The following CAMK1D variants were observed in gnomAD, a reference collection of about 807,000 sequenced individuals.
The protein encoded by CAMK1D is calcium/calmodulin-dependent protein kinase type 1D.
CAMK1D carries 9 observed loss-of-function variants against 47.7 expected under a neutral mutation model. The ratio of observed to expected loss-of-function variants is 0.19; its 90% CI spans 0.11 to 0.33. The LOEUF is 0.33. Ranked by LOEUF, CAMK1D falls within the 10% of genes least tolerant of loss-of-function variation. CAMK1D has a pLI of 1.00. For synonymous variants in CAMK1D, 184 were observed against 184.9 expected, an observed-to-expected ratio of 0.99 and a Z score of 0.04; for missense variants, 291 against 488.7, an observed-to-expected ratio of 0.60 and a Z score of 3.81.
At chr10:12,506,284 G>A (rs530871992) in intron 1 of CAMK1D, among the ~76,000 whole-genome samples, 1 of 152,214 alleles carries the variant, frequency 6.6e-6, no homozygotes, top group African/African-American at 2.4e-5. Context: ...GCCGAGTGGG[G>A]TGCCATGTGC....
chr10:12,522,773 G>A (rs1420566157), intron 1 of CAMK1D, among the ~76,000 whole-genome samples: 1 of 149,792 alleles, frequency 6.7e-6, no homozygotes, highest in South Asian at 2.2e-4. Context: ...AGAAGGGGCG[G>A]CCGGGCAGAG....
At chr10:12,436,354 C>G (rs1399150302) in intron 1 of CAMK1D, among the ~76,000 whole-genome samples, 1 of 152,222 alleles carries the variant, frequency 6.6e-6, no homozygotes, top group African/African-American at 2.4e-5. Flanking sequence ...CACATGCCCC[C>G]TCTCAGGGAC....
At chr10:12,470,980 C>T (rs1833729721) in intron 1 of CAMK1D, among the ~76,000 whole-genome samples, 1 of 152,190 alleles carries the variant, frequency 6.6e-6, no homozygotes, top group African/African-American at 2.4e-5. Flanking sequence ...GTTGATTTGC[C>T]TTCTTTTTGT....
chr10:12,361,438 G>A (rs948663114), intron 1 of CAMK1D, among the ~76,000 whole-genome samples: 2 of 151,524 alleles, frequency 1.3e-5, no homozygotes, highest in Admixed American at 1.3e-4. Context: ...GTAGAGACGG[G>A]GTTTTACCAT....
At chr10:12,664,940 A>G (rs971159087) in intron 2 of CAMK1D, among the ~76,000 whole-genome samples, 7 of 152,180 alleles carry the variant, frequency 4.6e-5, no homozygotes, top group Non-Finnish European at 7.3e-5. Context: ...AATTAAAACA[A>G]TTTTTCCAAA....
chr10:12,563,583 C>A (rs542834378), intron 2 of CAMK1D, among the ~76,000 whole-genome samples: 1 of 151,834 alleles, frequency 6.6e-6, no homozygotes, highest in South Asian at 2.1e-4. Flanking sequence ...CAAGTTGACA[C>A]ATAAAATTAT....
intron 1 of CAMK1D, among the ~76,000 whole-genome samples, chr10:12,524,078 G>C (rs1835536415): frequency 6.6e-6 from 1 of 151,904 alleles, no homozygotes; most frequent in Non-Finnish European, 1.5e-5. Context: ...TATTTTAGTA[G>C]AGACAGGGTT....
intron 2 of CAMK1D, among the ~76,000 whole-genome samples, chr10:12,615,024 G>A (rs550894892): frequency 6.6e-6 from 1 of 152,330 alleles, no homozygotes; most frequent in African/African-American, 2.4e-5. Context: ...TTGGAGATGG[G>A]TTTACAGGGT....
At chr10:12,791,340 G>A (rs1192053471) in intron 6 of CAMK1D, 107 bp downstream of exon 6, 5 of 888,674 alleles carry the variant, frequency 5.6e-6, no homozygotes, top group Admixed American at 4.1e-5. Context: ...GTTTAAGGGT[G>A]CAGTTCAGGG....
At chr10:12,382,376 G>A (rs1363577983) in intron 1 of CAMK1D, among the ~76,000 whole-genome samples, 2 of 151,980 alleles carry the variant, frequency 1.3e-5, no homozygotes, top group Non-Finnish European at 2.9e-5. Context: ...TATACTAGAT[G>A]ATAAGGTACT....
At chr10:12,400,429 A>G (rs375502458) in intron 1 of CAMK1D, among the ~76,000 whole-genome samples, 1 of 152,076 alleles carries the variant, frequency 6.6e-6, no homozygotes, top group Non-Finnish European at 1.5e-5. Flanking sequence ...TTATTATTTG[A>G]CTATAGCTTA....
At chr10:12,740,041 G>A (rs966214632) in intron 3 of CAMK1D, among the ~76,000 whole-genome samples, 7 of 152,140 alleles carry the variant, frequency 4.6e-5, no homozygotes, top group East Asian at 1.9e-4. Context: ...GGTAGGAACC[G>A]AGTAGTTCCT....
intron 2 of CAMK1D, among the ~76,000 whole-genome samples, chr10:12,660,228 CT>C (rs1029584818): frequency 6.6e-6 from 1 of 152,190 alleles, no homozygotes; most frequent in Non-Finnish European, 1.5e-5. Flanking sequence ...AAATGCTGAA[CT>C]TTTTTTCTCC....
At chr10:12,686,035 A>G (rs1832647827) in intron 3 of CAMK1D, among the ~76,000 whole-genome samples, 1 of 152,244 alleles carries the variant, frequency 6.6e-6, no homozygotes, top group African/African-American at 2.4e-5. Context: ...CTGGATTAGA[A>G]TCACAGTGGC....
rs868854455 is a variant in CAMK1D, at chr10:12,401,150, T to A, written c.92+51240T>A. 4.7e-3 allele frequency among the ~76,000 whole-genome samples: 215 copies of A among 45,462 alleles called. 12 individuals carry two copies. Among genetic ancestry groups the A allele is most frequent in the African/African-American group, 6.4e-3 (61 of 9,516 alleles). 29.8% of individuals were successfully genotyped at this position (45,462 alleles called of 152,430 possible). A position where few individuals can be genotyped will look rare whatever the true frequency, so the allele number is the denominator to read the frequency against. On this transcript the variant is annotated intron_variant, in intron 1 of 10. Transcript: ENST00000619168. ...GTATTATATATATTATATATATATT[T>A]TATATATATATAATATATGTATTAT...
At chr10:12,468,412 A>G (rs567022578) in intron 1 of CAMK1D, among the ~76,000 whole-genome samples, 1 of 152,208 alleles carries the variant, frequency 6.6e-6, no homozygotes, top group Non-Finnish European at 1.5e-5. Context: ...ATGATTGGAG[A>G]AAATAAAAGC....
chr10:12,514,732 A>G (rs1156655926), intron 1 of CAMK1D, among the ~76,000 whole-genome samples: 1 of 152,274 alleles, frequency 6.6e-6, no homozygotes, highest in Admixed American at 6.5e-5. Context: ...TTGAAAGAAG[A>G]AATGATATTA....
At chr10:12,443,945 A>G (rs1472579979) in intron 1 of CAMK1D, among the ~76,000 whole-genome samples, 6 of 152,014 alleles carry the variant, frequency 3.9e-5, no homozygotes, top group East Asian at 1.9e-4. Flanking sequence ...TCCCATTTTT[A>G]TGGTTCTTTC....
intron 3 of CAMK1D, among the ~76,000 whole-genome samples, chr10:12,739,519 G>T (rs1361875425): frequency 1.4e-5 from 2 of 146,280 alleles, no homozygotes; most frequent in African/African-American, 2.6e-5. Context: ...TCGAACTCCT[G>T]ACCTCGTGAT....
Sources: allele counts gnomAD v4.1 joint callset (sites outside exome capture counted in the v4.1 genomes callset), GRCh38; gene constraint gnomAD v4.1.1; transcripts MANE v1.5; gene names NCBI Gene and HGNC (gene_info 2026-07-23, HGNC 2026-07-21).